FBXL22: variants seen among roughly 807,000 people sequenced by gnomAD.
The protein encoded by FBXL22 is F-box and leucine rich repeat protein 22, also known as F-box and leucine-rich protein 22.
Under a neutral mutation model 11.7 loss-of-function variants are expected in FBXL22, and 13 were observed. That is an observed-to-expected ratio of 1.11 (90% CI 0.73 to 1.77). FBXL22 has a LOEUF of 1.77. FBXL22 is among the 40% of genes most tolerant of loss of function. The probability of loss-of-function intolerance (pLI) is 0.00; values close to 1 mark genes in which losing one functional copy is unlikely to be tolerated. For synonymous variants in FBXL22, 160 were observed against 144.1 expected (o/e 1.11, Z -0.79); for missense variants, 406 against 320.4 (o/e 1.27, Z -2.04).
chr15:63,601,118 A>G lies in FBXL22; in HGVS notation c.*79A>G. ...CTTCGAACCCAGCTCTTCCACCTTC[A>G]GACCACCACCGCATATTCTGAGCCT... On this transcript the variant is annotated 3_prime_UTR_variant, in exon 2 of 2. Coordinates refer to ENST00000638704, the MANE Select transcript of FBXL22 (RefSeq NM_001367807.1). 1 of 1,318,240 alleles carries G rather than the reference A, an allele frequency of 7.6e-7. No individual in the cohort carries two copies. The highest frequency in any genetic ancestry group is 2.1e-5 in the South Asian group (1 of 47,058). The allele number at this position is 1,318,240 out of a possible 1,614,324, so 81.7% of individuals were successfully genotyped here. A position where few individuals can be genotyped will look rare whatever the true frequency, so the allele number is the denominator to read the frequency against.
At chr15:63,607,222 T>C (rs2067424952), downstream of FBXL22, among the ~76,000 whole-genome samples, 1 of 152,218 alleles carries the variant, frequency 6.6e-6, no homozygotes, top group Non-Finnish European at 1.5e-5. Flanking sequence ...ATTTTTTTTA[T>C]TTTTAGTAGA....
chr15:63,607,491 C>A, the FBXL22 span, among the ~76,000 whole-genome samples: 30 of 152,242 alleles, frequency 2.0e-4, no homozygotes, highest in African/African-American at 6.3e-4. Context: ...GGGGTTCCCC[C>A]CAAAGCTGGA....
At chr15:63,601,517 C>G, downstream of FBXL22, 1 of 1,556,162 alleles carries the variant, frequency 6.4e-7, no homozygotes, top group South Asian at 1.2e-5. Flanking sequence ...CCCGGAGTGT[C>G]CTGGGGACCG....
At chr15:63,600,161 A>C in intron 1 of FBXL22, 1 of 985,816 alleles carries the variant, frequency 1.0e-6, no homozygotes. Context: ...TACTAAGCTG[A>C]ACCCGGACTC....
chr15:63,603,611 A>G (rs2067397995), downstream of FBXL22, among the ~76,000 whole-genome samples: 1 of 152,240 alleles, frequency 6.6e-6, no homozygotes, highest in Non-Finnish European at 1.5e-5. Flanking sequence ...GTGAAGTCCC[A>G]GCGGCCCTGG....
In FBXL22 at chr15:63,600,955, A is replaced by G. The variant is rs2067361098; in HGVS notation, c.612A>G (p.Ala204=). 1 of 1,196,492 alleles carries G rather than the reference A, an allele frequency of 8.4e-7. No homozygotes were observed. Among genetic ancestry groups the G allele is most frequent in the Non-Finnish European group, 1.0e-6 (1 of 965,392 alleles). 74.1% of individuals were successfully genotyped at this position (1,196,492 alleles called of 1,614,324 possible). Residue 204 remains alanine, a synonymous_variant, in exon 2 of 2, where the codon GCA becomes GCG. Coordinates refer to ENST00000638704, the MANE Select transcript of FBXL22 (RefSeq NM_001367807.1). ...RAACPRLALR[A]EHSAAMLPDQ... The stretch of plus-strand genomic sequence containing the variant: ...CGTGCCCGCGCCTGGCCCTGCGGGC[A>G]GAGCACAGCGCCGCCATGCTGCCCG...
chr15:63,598,276 A>C (rs1454863673), intron 1 of FBXL22, among the ~76,000 whole-genome samples: 1 of 152,204 alleles, frequency 6.6e-6, no homozygotes, highest in Non-Finnish European at 1.5e-5. Context: ...GGCTTAGCCT[A>C]ATTTTTCAAA....
chr15:63,603,042 G>A (rs547370956), downstream of FBXL22, among the ~76,000 whole-genome samples: 5 of 152,174 alleles, frequency 3.3e-5, no homozygotes, highest in East Asian at 9.6e-4. Context: ...CACCAGATAT[G>A]CTCCCTTTTC....
chr15:63,599,441 G>C, intron 1 of FBXL22: 2 of 1,347,478 alleles, frequency 1.5e-6, no homozygotes, highest in Non-Finnish European at 1.9e-6. Context: ...CGCCCAGCAA[G>C]GTTCAGACAT....
chr15:63,599,928 G>A, intron 1 of FBXL22: 1 of 985,684 alleles, frequency 1.0e-6, no homozygotes, highest in Non-Finnish European at 1.2e-6. Context: ...TGAAGGCTCC[G>A]TGAGTGACTG....
Position 63,597,579 on chromosome 15 carries a change from G to A in FBXL22, c.187G>A (p.Asp63Asn). 6.2e-7 allele frequency: 1 copy of A among 1,614,112 alleles called. No individual in the cohort carries two copies. The highest frequency in any genetic ancestry group is 8.5e-7 in the Non-Finnish European group (1 of 1,180,042). Residue 63 changes from aspartate (D) to asparagine (N), a missense_variant, in exon 1 of 2, where the codon GAC becomes AAC. Coordinates refer to ENST00000638704, the MANE Select transcript of FBXL22 (RefSeq NM_001367807.1). This position sits in a 1 kb window ranked among gnomAD's most constrained non-coding sequence, Gnocchi z 4.3. ...HFRSLTELQK[D>N]NFLLGPALRS... ...CCGTTCCCTCACTGAACTCCAGAAG[G>A]ACAACTTCCTCCTGGGCCCGGCACT...
At chr15:63,601,752 C>T, downstream of FBXL22, 1 of 1,518,318 alleles carries the variant, frequency 6.6e-7, no homozygotes, top group Non-Finnish European at 8.9e-7. Flanking sequence ...GCATAGTTAC[C>T]CATATTTTCT....
At chr15:63,607,862 T>G in the FBXL22 span, among the ~76,000 whole-genome samples, 1 of 152,096 alleles carries the variant, frequency 6.6e-6, no homozygotes, top group South Asian at 2.1e-4. Context: ...GCCAAAGCCC[T>G]CCCAGCTGCT....
At chr15:63,601,332 G>T, downstream of FBXL22, 1 of 1,601,798 alleles carries the variant, frequency 6.2e-7, no homozygotes, top group Non-Finnish European at 8.5e-7. Context: ...GGCGGGAGGC[G>T]CCTGCACCGT....
At chr15:63,599,347 C>T (rs974593704) in intron 1 of FBXL22, 3 of 1,442,886 alleles carry the variant, frequency 2.1e-6, no homozygotes, top group Admixed American at 5.5e-5. Context: ...AAAAGATCAC[C>T]CAACACCTTT....
At chr15:63,600,645 T>G (rs1034775417) in intron 1 of FBXL22, 52 bp from the exon 2 acceptor site, 21 of 1,231,010 alleles carry the variant, frequency 1.7e-5, no homozygotes, top group Non-Finnish European at 1.9e-5. Flanking sequence ...ATGGGGCGGT[T>G]GGGTAGCTTT....
chr15:63,605,037 A>G (rs1444146588), downstream of FBXL22, among the ~76,000 whole-genome samples: 1 of 152,154 alleles, frequency 6.6e-6, no homozygotes, highest in Non-Finnish European at 1.5e-5. Flanking sequence ...CAGCCTGCGC[A>G]GCTGAGCAAG....
rs923674812 is a variant in FBXL22, at chr15:63,601,033, G to A, written c.690G>A (p.Gln230=). 26 of 1,219,884 alleles carry A rather than the reference G, an allele frequency of 2.1e-5. No individual in the cohort carries two copies. Among genetic ancestry groups the A allele is most frequent in the East Asian group, 3.2e-5 (1 of 30,822 alleles). 75.6% of individuals were successfully genotyped at this position (1,219,884 alleles called of 1,614,324 possible). ...APAAALGKLL[Q]R Reference sequence around the variant, plus strand: ...CCGCGGCCCTCGGCAAGCTGCTGCAGCGCTAGACGCCGCCCCGCCGCTGCC... The same window carrying A: ...CCGCGGCCCTCGGCAAGCTGCTGCAACGCTAGACGCCGCCCCGCCGCTGCC... Residue 230 remains glutamine, a synonymous_variant, in exon 2 of 2, where the codon CAG becomes CAA. Transcript: ENST00000638704.
chr15:63,600,587 A>G (rs1015628242), intron 1 of FBXL22, 110 bp from the exon 2 acceptor site: 2 of 1,229,798 alleles, frequency 1.6e-6, no homozygotes, highest in Non-Finnish European at 2.0e-6. Context: ...AAGTGTCTTC[A>G]CCTCGCAGGG....
Sources: gnomAD v4.1 joint callset for allele counts (sites outside exome capture counted in the v4.1 genomes callset) on GRCh38, gnomAD v4.1.1 for gene constraint, Gnocchi (gnomAD v3.1) non-coding constraint, MANE v1.5 for transcripts, NCBI Gene and HGNC (gene_info 2026-07-23, HGNC 2026-07-21) for gene names.